Variants in SP6 observed in about 807,000 individuals in gnomAD.
The protein encoded by SP6 is Sp6 transcription factor.
A neutral mutation model predicts 23.4 loss-of-function variants in SP6; 10 were observed. That is an observed-to-expected ratio of 0.43 (90% CI 0.26 to 0.72). The LOEUF (loss-of-function observed/expected upper bound fraction) is 0.72. Ranked by LOEUF, SP6 falls within the 30% of genes least tolerant of loss-of-function variation. The pLI, the probability that SP6 is intolerant of heterozygous loss-of-function variation, is 0.23. For synonymous variants in SP6, 238 were observed against 238.7 expected (o/e 1.00, Z 0.03); for missense variants, 482 against 523.8 (o/e 0.92, Z 0.78).
rs1005168865 is a variant in SP6, at chr17:47,846,590, C to CT, written c.*708dup. On this transcript the variant is annotated 3_prime_UTR_variant, in exon 2 of 2. Transcript: ENST00000536300. ...CTCGCCCCCTCCATCTATCTCGGTC[C>CT]TTTATCGCCAGCCCTGGCTGGGAGG... 3.3e-5 allele frequency: 5 copies of CT among 152,198 alleles called. No homozygotes were observed. The highest frequency in any genetic ancestry group is 1.2e-4 in the African/African-American group (5 of 41,426). The allele number at this position is 152,198 out of a possible 1,614,324, so 9.4% of individuals were successfully genotyped here.
At chr17:47,871,049 G>T in the SP6 span, among the ~76,000 whole-genome samples, 1 of 152,188 alleles carries the variant, frequency 6.6e-6, no homozygotes, top group Non-Finnish European at 1.5e-5. Context: ...CCTCGATCGA[G>T]TATTCCAGGG....
the SP6 span, among the ~76,000 whole-genome samples, chr17:47,872,332 C>G: frequency 6.6e-6 from 1 of 152,206 alleles, no homozygotes; most frequent in South Asian, 2.1e-4. Flanking sequence ...CCGGCAGGGT[C>G]TGCTCCTCCC....
At chr17:47,854,937 A>T (rs11651698), upstream of SP6, among the ~76,000 whole-genome samples, 22,840 of 152,052 alleles carry the variant, frequency 0.15, 1,831 homozygotes, top group Middle Eastern at 0.21. Context: ...ATGCCAACAT[A>T]TTCCTTATTT....
the SP6 span, among the ~76,000 whole-genome samples, chr17:47,872,584 C>T: frequency 4.6e-5 from 7 of 152,122 alleles, no homozygotes; most frequent in African/African-American, 1.4e-4. Flanking sequence ...TGAGAGGCCC[C>T]GGGCCCCAGA....
At chr17:47,854,106 C>T (rs1166046745), upstream of SP6, among the ~76,000 whole-genome samples, 1 of 152,206 alleles carries the variant, frequency 6.6e-6, no homozygotes, top group African/African-American at 2.4e-5. Flanking sequence ...TGCTGCTCTT[C>T]CTCATTCTCT....
upstream of SP6, among the ~76,000 whole-genome samples, chr17:47,857,770 G>T (rs1479941138): frequency 1.3e-5 from 2 of 152,152 alleles, no homozygotes; most frequent in Non-Finnish European, 1.5e-5. Context: ...GCTTGGAGTG[G>T]GGGGCGGGAC....
At chr17:47,861,139 T>C in the SP6 span, among the ~76,000 whole-genome samples, 1 of 152,170 alleles carries the variant, frequency 6.6e-6, no homozygotes, top group Admixed American at 6.5e-5. Context: ...TGCTTCCTGA[T>C]TGAGGGGTTG....
the SP6 span, among the ~76,000 whole-genome samples, chr17:47,875,244 G>C: frequency 2.6e-5 from 4 of 151,452 alleles, no homozygotes; most frequent in African/African-American, 9.8e-5. Context: ...CTGCTTCCCC[G>C]GGGGGGCCTG....
At chr17:47,849,836 G>A (rs896410407) in intron 1 of SP6, among the ~76,000 whole-genome samples, 2 of 152,210 alleles carry the variant, frequency 1.3e-5, no homozygotes, top group African/African-American at 4.8e-5. Flanking sequence ...TGGTGCCTCA[G>A]CTGGGCAGGT....
upstream of SP6, among the ~76,000 whole-genome samples, chr17:47,851,825 TTCTGGGTGACCACC>T (rs1190658021): frequency 6.6e-6 from 1 of 151,106 alleles, no homozygotes; most frequent in Non-Finnish European, 1.5e-5. Context: ...TCTCTGACCT[TTCTGGGTGACCACC>T]TCCTCTCCTC....
At position 47,848,265 on chromosome 17, in the gene SP6, G is replaced by T. The variant is rs776967039; in HGVS notation, c.165C>A (p.Leu55=). Residue 55 remains leucine, a synonymous_variant, in exon 2 of 2, where the codon CTC becomes CTA. Coordinates refer to ENST00000536300, the MANE Select transcript of SP6 (RefSeq NM_001258248.2). This position sits in a 1 kb window ranked among gnomAD's most constrained non-coding sequence, Gnocchi z 5.3. The part of the protein sequence containing the change: ...SPLQPGELQS[L]PLGPEVDFSQ... ...AGAAGTCCACCTCCGGGCCCAGCGG[G>T]AGGCTCTGCAGCTCTCCAGGCTGCA... 6.2e-7 allele frequency: 1 copy of T among 1,611,944 alleles called. No individual in the cohort carries two copies. The highest frequency in any genetic ancestry group is 1.1e-5 in the South Asian group (1 of 91,006).
At position 47,848,407 on chromosome 17, in the gene SP6, G is replaced by A; in HGVS notation, c.23C>T (p.Ser8Phe). 1 of 1,532,062 alleles carries A rather than the reference G, an allele frequency of 6.5e-7. No homozygotes were observed. Among genetic ancestry groups the A allele is most frequent in the Non-Finnish European group, 8.8e-7 (1 of 1,137,970 alleles). 94.9% of individuals were successfully genotyped at this position (1,532,062 alleles called of 1,614,324 possible). Residue 8 changes from serine to phenylalanine, a missense_variant, in exon 2 of 2, where the codon TCT becomes TTT. Transcript: ENST00000536300. The surrounding 1 kb of genome is among the most constrained non-coding windows in gnomAD (Gnocchi z 5.3). ...CGCTTCCGTGTGCTGGCTGCCCAGA[G>A]AGCCGCAGACAGCGGTTAGCATTGC... MLTAVCG[S>F]LGSQHTEAPH...
chr17:47,847,485 G>A lies in SP6; in HGVS notation c.945C>T (p.Pro315=). The change falls in exon 2 of 2, where the codon CCC becomes CCT. Residue 315 remains proline (P), a synonymous_variant. Coordinates refer to ENST00000536300, the MANE Select transcript of SP6 (RefSeq NM_001258248.2). ...TGAAGACGCGGCTGCAGACTGCACA[G>A]GGGAACTTCTTGGTGCCGGTGTGGG... ...LQTHTGTKKF[P]CAVCSRVFMR... is the part of the protein sequence containing the mutation. 1.2e-6 allele frequency: 2 copies of A among 1,613,808 alleles called. No homozygotes were observed. The highest frequency in any genetic ancestry group is 1.7e-6 in the Non-Finnish European group (2 of 1,179,944).
At chr17:47,861,987 G>A in the SP6 span, among the ~76,000 whole-genome samples, 1 of 150,760 alleles carries the variant, frequency 6.6e-6, no homozygotes, top group East Asian at 2.0e-4. Flanking sequence ...CAAGGCTGCA[G>A]TGAGCTATGA....
the SP6 span, among the ~76,000 whole-genome samples, chr17:47,863,960 C>T: frequency 1.3e-5 from 2 of 151,136 alleles, no homozygotes; most frequent in Non-Finnish European, 2.9e-5. Context: ...GCCTCGGCCT[C>T]CCAAAGTGCT....
At position 47,846,723 on chromosome 17, in the gene SP6, AC is replaced by A. The variant is rs960408082; in HGVS notation, c.*575del. ...CAAAGGAGTTATTTTTACAGCAACA[AC>A]CCTCCAAACCAGAAAGAGACACCCC... On this transcript the variant is annotated 3_prime_UTR_variant, in exon 2 of 2. Coordinates refer to ENST00000536300, the MANE Select transcript of SP6 (RefSeq NM_001258248.2). 1.3e-5 allele frequency: 2 copies of A among 152,038 alleles called. No homozygotes were observed. The highest frequency in any genetic ancestry group is 1.9e-4 in the East Asian group (1 of 5,182). The allele number at this position is 152,038 out of a possible 1,614,324, so 9.4% of individuals were successfully genotyped here. A position where few individuals can be genotyped will look rare whatever the true frequency, so the allele number is the denominator to read the frequency against.
At chr17:47,870,529 G>A in the SP6 span, among the ~76,000 whole-genome samples, 1 of 152,052 alleles carries the variant, frequency 6.6e-6, no homozygotes, top group Admixed American at 6.6e-5. Flanking sequence ...TAACTGGGGT[G>A]GTAAGAAGTC....
the SP6 span, among the ~76,000 whole-genome samples, chr17:47,865,775 A>C: frequency 6.6e-6 from 1 of 152,130 alleles, no homozygotes; most frequent in African/African-American, 2.4e-5. Context: ...TAGAAAGAAG[A>C]GCTGGTGCAG....
At chr17:47,868,685 C>G in the SP6 span, among the ~76,000 whole-genome samples, 1 of 152,230 alleles carries the variant, frequency 6.6e-6, no homozygotes, top group African/African-American at 2.4e-5. Flanking sequence ...CTCACACACC[C>G]TCCTTCCAAG....
Sources: gnomAD v4.1 joint callset for allele counts (sites outside exome capture counted in the v4.1 genomes callset) on GRCh38, gnomAD v4.1.1 for gene constraint, Gnocchi (gnomAD v3.1) non-coding constraint, MANE v1.5 for transcripts, NCBI Gene and HGNC (gene_info 2026-07-23, HGNC 2026-07-21) for gene names.